The following PCID2 variants were observed in gnomAD, a reference collection of about 807,000 sequenced individuals.
The protein encoded by PCID2 is PCI domain containing 2.
Under a neutral mutation model 61.3 loss-of-function variants are expected in PCID2, and 41 were observed. The ratio of observed to expected loss-of-function variants is 0.67; its 90% confidence interval spans 0.52 to 0.87. The LOEUF is 0.87. PCID2 is among the 40% of genes least tolerant of loss of function. The probability of loss-of-function intolerance (pLI) is 0.00; values close to 1 mark genes in which losing one functional copy is unlikely to be tolerated. For synonymous variants in PCID2, 187 were observed against 177.8 expected (o/e 1.05, Z -0.41); for missense variants, 392 against 493.4 (o/e 0.79, Z 1.95).
At chr13:113,175,367 T>C (rs1371269383), downstream of PCID2, among the ~76,000 whole-genome samples, 1 of 152,206 alleles carries the variant, frequency 6.6e-6, no homozygotes, top group African/African-American at 2.4e-5. Context: ...TACCCAGAAA[T>C]GTTGACAAAC....
chr13:113,207,086 G>A (rs890753387), intron 1 of PCID2, among the ~76,000 whole-genome samples: 1 of 152,222 alleles, frequency 6.6e-6, no homozygotes. Context: ...TGATGCCCAA[G>A]GTATGATGAC....
intron 1 of PCID2, among the ~76,000 whole-genome samples, chr13:113,203,100 G>A (rs978092310): frequency 3.9e-5 from 6 of 152,158 alleles, no homozygotes; most frequent in African/African-American, 7.2e-5. Context: ...CGGTGTCGCC[G>A]GGACCACAGT....
In PCID2 at chr13:113,208,603, T is replaced by G; in HGVS notation, c.32A>C (p.Gln11Pro). 6.2e-7 allele frequency: 1 copy of G among 1,608,036 alleles called. No homozygotes were observed. The highest frequency in any genetic ancestry group is 8.5e-7 in the Non-Finnish European group (1 of 1,177,830). The stretch of plus-strand genomic sequence containing the variant: ...CGCTCCCCGGCTAGGACCCACCTGC[T>G]GCAGGTACTGGTTAATGGTAATGTG... MAHITINQYL[Q>P]QVYEAIDSRD... The change falls in exon 1 of 14, where the codon CAG (glutamine) becomes CCG (proline). Residue 11 changes from glutamine (Q) to proline (P), a missense_variant. Physicochemically the swap from Gln to Pro is moderately conservative, Grantham distance 76. Coordinates refer to ENST00000337344, the MANE Select transcript of PCID2 (RefSeq NM_001127202.4).
chr13:113,207,952 A>C, intron 1 of PCID2: 2 of 1,310,222 alleles, frequency 1.5e-6, no homozygotes, highest in Non-Finnish European at 2.2e-6. Context: ...GAAGACAGGC[A>C]TAGTTTAGTG....
At chr13:113,178,557 C>T (rs1480123010) in intron 13 of PCID2, 8 of 410,706 alleles carry the variant, frequency 1.9e-5, no homozygotes, top group East Asian at 5.5e-5. Flanking sequence ...TCTTCCCTTG[C>T]CGTGATTCCC....
intron 1 of PCID2, among the ~76,000 whole-genome samples, chr13:113,205,733 A>G (rs2039760026): frequency 6.6e-6 from 1 of 152,212 alleles, no homozygotes; most frequent in Admixed American, 6.5e-5. Context: ...AGACACACAA[A>G]AGCCACATAC....
chr13:113,202,808 G>A (rs981500041), intron 1 of PCID2, among the ~76,000 whole-genome samples: 1 of 152,116 alleles, frequency 6.6e-6, no homozygotes, highest in African/African-American at 2.4e-5. Flanking sequence ...GAGAGAGAAG[G>A]AAAGTTTCTG....
chr13:113,198,393 T>C (rs2039175023), intron 2 of PCID2, 129 bp from the exon 3 acceptor site: 9 of 603,318 alleles, frequency 1.5e-5, no homozygotes, highest in Non-Finnish European at 2.3e-5. Flanking sequence ...ACACTTTATA[T>C]TTACCACTCT....
downstream of PCID2, among the ~76,000 whole-genome samples, chr13:113,176,767 A>G: frequency 6.6e-6 from 1 of 152,126 alleles, no homozygotes; most frequent in Non-Finnish European, 1.5e-5. Context: ...TGTCTCAAAA[A>G]AGGAGGGAGA....
chr13:113,204,157 G>A (rs190869360), intron 1 of PCID2, among the ~76,000 whole-genome samples: 6 of 152,368 alleles, frequency 3.9e-5, no homozygotes, highest in African/African-American at 1.2e-4. Flanking sequence ...GCGATCTCTC[G>A]CACCACCCAG....
the PCID2 span, among the ~76,000 whole-genome samples, chr13:113,169,462 T>C: frequency 6.6e-6 from 1 of 152,256 alleles, no homozygotes; most frequent in African/African-American, 2.4e-5. Context: ...TTTTCCTGTT[T>C]GTATGCCGTA....
intron 10 of PCID2, among the ~76,000 whole-genome samples, chr13:113,180,477 C>T (rs534964061): frequency 2.0e-5 from 3 of 152,148 alleles, no homozygotes; most frequent in Non-Finnish European, 2.9e-5. Context: ...CACATTTCTT[C>T]GAATTTCTAT....
At chr13:113,190,810 GA>G (rs899434458) in intron 7 of PCID2, 61 bp downstream of exon 7, 1 of 908,828 alleles carries the variant, frequency 1.1e-6, no homozygotes, top group African/African-American at 1.7e-5. Flanking sequence ...CAGAAAGGGT[GA>G]ACGCTGCAAT....
At chr13:113,178,723 G>T (rs1037497027) in intron 13 of PCID2, among the ~76,000 whole-genome samples, 6 of 152,188 alleles carry the variant, frequency 3.9e-5, no homozygotes, top group African/African-American at 1.2e-4. Context: ...TCCGAGGGGG[G>T]TTGGAGAATC....
At chr13:113,189,012 C>A (rs1218770624) in intron 7 of PCID2, among the ~76,000 whole-genome samples, 1 of 152,040 alleles carries the variant, frequency 6.6e-6, no homozygotes, top group Non-Finnish European at 1.5e-5. Context: ...GGAGGAGGAA[C>A]CTAATGGGAG....
In PCID2 at chr13:113,179,017, C is replaced by T; in HGVS notation, c.1059G>A (p.Glu353=). The change falls in exon 13 of 14, where the codon GAG becomes GAA. Residue 353 remains glutamate, a synonymous_variant. Transcript: ENST00000337344. This position sits in a 1 kb window ranked among gnomAD's most constrained non-coding sequence, Gnocchi z 4.3. ...ACTGAACTTCGTCAATGTCCACGTC[C>T]TCCACCTGCATGAACTTCAAGGCAA... ...FLVALKFMQV[E]DVDIDEVQCI... The T allele has an allele frequency of 6.2e-7, 1 of 1,613,930 alleles. No homozygotes were observed. Among genetic ancestry groups the T allele is most frequent in the Non-Finnish European group, 8.5e-7 (1 of 1,179,828 alleles).
intron 4 of PCID2, 71 bp from the exon 5 acceptor site, chr13:113,196,293 A>T (rs2039010761): frequency 8.2e-7 from 1 of 1,225,682 alleles, no homozygotes; most frequent in South Asian, 1.3e-5. Flanking sequence ...AAAGAATAAG[A>T]ATCTAAATTT....
chr13:113,172,325 C>G, the PCID2 span: 2 of 602,480 alleles, frequency 3.3e-6, no homozygotes, highest in Admixed American at 5.9e-5. Context: ...CAATAGAGAC[C>G]TTAAAAGAAA....
chr13:113,166,330 G>A, the PCID2 span: 2 of 152,180 alleles, frequency 1.3e-5, no homozygotes, highest in Non-Finnish European at 2.9e-5. Context: ...TTTGGAATCT[G>A]GTGTGAATTT....
Sources: gnomAD v4.1 joint callset for allele counts (sites outside exome capture counted in the v4.1 genomes callset) on GRCh38, gnomAD v4.1.1 for gene constraint, Gnocchi (gnomAD v3.1) non-coding constraint, MANE v1.5 for transcripts, NCBI Gene and HGNC (gene_info 2026-07-23, HGNC 2026-07-21) for gene names.